ZNF654: variants seen among roughly 807,000 people sequenced by gnomAD.
ZNF654 encodes the protein zinc finger protein 654, also known as melanoma-associated antigen.
ZNF654 carries 19 observed loss-of-function variants against 95.3 expected under a neutral mutation model. The observed-to-expected ratio is 0.20, with a 90% CI of 0.14 to 0.29. The LOEUF is 0.29. Ranked by LOEUF, ZNF654 falls within the 10% of genes least tolerant of loss-of-function variation. The probability of loss-of-function intolerance (pLI) is 1.00; values close to 1 mark genes in which losing one functional copy is unlikely to be tolerated. For synonymous variants in ZNF654, 413 were observed against 457.9 expected, an observed-to-expected ratio of 0.90 and a Z score of 1.25; for missense variants, 1,046 against 1,341.0, an observed-to-expected ratio of 0.78 and a Z score of 3.44.
rs1405641585 is a variant in ZNF654 at position 88,140,378 on chromosome 3, T to C, written c.2709T>C (p.Asn903=). ...NPNQEKDSSS[N]EKQTISLPVS... The stretch of plus-strand genomic sequence containing the variant: ...ATCAGGAAAAAGACTCATCTAGTAA[T>C]GAGAAACAAACTATTAGTCTGCCAG... The change falls in exon 8 of 9, where the codon AAT becomes AAC. Residue 903 remains asparagine, a synonymous_variant. Coordinates refer to ENST00000636215, the MANE Select transcript of ZNF654 (RefSeq NM_001350134.2). The C allele has an allele frequency of 1.9e-6, 3 of 1,612,920 alleles. No homozygotes were observed. The highest frequency in any genetic ancestry group is 2.5e-6 in the Non-Finnish European group (3 of 1,179,474).
rs1387531138 is a variant in ZNF654, at chr3:88,142,885, G to T, written c.*1233G>T. On this transcript the variant is annotated 3_prime_UTR_variant, in exon 9 of 9. Coordinates refer to ENST00000636215, the MANE Select transcript of ZNF654 (RefSeq NM_001350134.2). ...CCTAAGAAGATTTTAACTTAATAAA[G>T]TGTTAAAACAATAAATATTTTTAAA... 1 of 152,196 alleles carries T rather than the reference G, an allele frequency of 6.6e-6. No homozygotes were observed. The highest frequency in any genetic ancestry group is 2.4e-5 in the African/African-American group (1 of 41,420). 9.4% of individuals were successfully genotyped at this position (152,196 alleles called of 1,614,324 possible).
At position 88,129,668 on chromosome 3, in the gene ZNF654, T is replaced by C; in HGVS notation, c.754-19T>C. 7.1e-7 allele frequency: 1 copy of C among 1,409,006 alleles called. No individual in the cohort carries two copies. The highest frequency in any genetic ancestry group is 9.3e-7 in the Non-Finnish European group (1 of 1,070,368). The allele number at this position is 1,409,006 out of a possible 1,614,324, so 87.3% of individuals were successfully genotyped here. A position where few individuals can be genotyped will look rare whatever the true frequency, so the allele number is the denominator to read the frequency against. On this transcript the variant is annotated intron_variant, in intron 5 of 8. Transcript: ENST00000636215. Reference sequence around the variant, plus strand: ...GATATTTTTAATTATATGAACTGATTTCTCTTTTCCTCTTACAGCATTTAT... The same window carrying C: ...GATATTTTTAATTATATGAACTGATCTCTCTTTTCCTCTTACAGCATTTAT...
At chr3:88,112,623 A>G (rs1705160343) in intron 2 of ZNF654, among the ~76,000 whole-genome samples, 2 of 152,160 alleles carry the variant, frequency 1.3e-5, no homozygotes, top group Admixed American at 1.3e-4. Flanking sequence ...GGTTGTTAGT[A>G]TATGCTATAA....
intron 3 of ZNF654, among the ~76,000 whole-genome samples, chr3:88,117,822 T>A (rs79839207): frequency 6.6e-6 from 1 of 152,018 alleles, no homozygotes; most frequent in Non-Finnish European, 1.5e-5. Context: ...GTGGTGACAT[T>A]TGTTAAGGGA....
In ZNF654 at chr3:88,113,311, G is replaced by T. The variant is rs1576305035; in HGVS notation, c.414+115G>T. 4 of 575,664 alleles carry T rather than the reference G, an allele frequency of 6.9e-6. No homozygotes were observed. The South Asian group carries it at 8.6e-5, about 12-fold the overall frequency. The allele number at this position is 575,664 out of a possible 1,614,324, so 35.7% of individuals were successfully genotyped here. A position where few individuals can be genotyped will look rare whatever the true frequency, so the allele number is the denominator to read the frequency against. On this transcript the variant is annotated intron_variant, in intron 3 of 8. Coordinates refer to ENST00000636215, the MANE Select transcript of ZNF654 (RefSeq NM_001350134.2). ...TTATAAGTTTTTAATGATTGCTAAG[G>T]TGACAGTGTTTAAGATCCTATTATT...
chr3:88,130,067 A>T (rs1369827746), intron 6 of ZNF654, among the ~76,000 whole-genome samples: 1 of 152,220 alleles, frequency 6.6e-6, no homozygotes, highest in African/African-American at 2.4e-5. Context: ...GTGGTTTGAA[A>T]TTAAATTTTA....
In ZNF654 at chr3:88,139,367, T is replaced by C; in HGVS notation, c.1698T>C (p.His566=). Residue 566 remains histidine (H), a synonymous_variant, in exon 8 of 9, where the codon CAT becomes CAC. Coordinates refer to ENST00000636215, the MANE Select transcript of ZNF654 (RefSeq NM_001350134.2). ...ACATTGTAAGGCATGCCCAGGCTCA[T>C]CAGAAAAAAGGCAGTTTTGCATGTG... The part of the protein sequence containing the change: ...GGHIVRHAQA[H]QKKGSFACVI... The C allele has an allele frequency of 6.2e-7, 1 of 1,613,372 alleles. No homozygotes were observed. The highest frequency in any genetic ancestry group is 1.1e-5 in the South Asian group (1 of 90,954).
chr3:88,078,110 A>G (rs1375921536), intron 1 of ZNF654, among the ~76,000 whole-genome samples: 1 of 152,226 alleles, frequency 6.6e-6, no homozygotes, highest in East Asian at 1.9e-4. Flanking sequence ...TATTGTGAAT[A>G]TCGGACTGAT....
At chr3:88,096,323 C>T (rs1191126553) in intron 2 of ZNF654, among the ~76,000 whole-genome samples, 3 of 151,986 alleles carry the variant, frequency 2.0e-5, no homozygotes, top group Non-Finnish European at 2.9e-5. Flanking sequence ...TACTAGAGCC[C>T]ACAGACAAGA....
intron 2 of ZNF654, among the ~76,000 whole-genome samples, chr3:88,098,251 C>T (rs988856145): frequency 6.6e-6 from 1 of 151,986 alleles, no homozygotes; most frequent in Non-Finnish European, 1.5e-5. Flanking sequence ...TAAATTCCTG[C>T]ACACATACAC....
Position 88,079,962 on chromosome 3 carries a change from A to T in ZNF654, c.187-6295A>T, listed in dbSNP as rs572081862. ...CTAAACCATTTTGGTGTTTTTTTTT[A>T]AAACATGACTTTTAGATTTCCATTA... On this transcript the variant is annotated intron_variant, in intron 1 of 8. Transcript: ENST00000636215. Among the ~76,000 whole-genome samples, 432 of 152,038 alleles carry T rather than the reference A, an allele frequency of 2.8e-3. 2 individuals carry two copies. The highest frequency in any genetic ancestry group is 8.6e-3 in the African/African-American group (359 of 41,526).
At chr3:88,077,023 G>T (rs577005551) in intron 1 of ZNF654, among the ~76,000 whole-genome samples, 6 of 152,138 alleles carry the variant, frequency 3.9e-5, no homozygotes, top group South Asian at 2.1e-4. Flanking sequence ...TGGAGTAAAA[G>T]AATTTTAGGG....
In ZNF654 at chr3:88,113,204, A is replaced by G; in HGVS notation, c.414+8A>G. 3 of 1,501,924 alleles carry G rather than the reference A, an allele frequency of 2.0e-6. No homozygotes were observed. Among genetic ancestry groups the G allele is most frequent in the South Asian group, 1.2e-5 (1 of 82,668 alleles). 93.0% of individuals were successfully genotyped at this position (1,501,924 alleles called of 1,614,324 possible). On this transcript the variant is annotated splice_region_variant and intron_variant, in intron 3 of 8. Transcript: ENST00000636215. The stretch of plus-strand genomic sequence containing the variant: ...ATTCTTGGATCATTCCAGGTAAAAA[A>G]CAGTTTACTACTTCACACTTTGTCT...
At chr3:88,083,761 T>C (rs1419160293) in intron 1 of ZNF654, among the ~76,000 whole-genome samples, 1 of 152,122 alleles carries the variant, frequency 6.6e-6, no homozygotes, top group Non-Finnish European at 1.5e-5. Context: ...TTCAGCGTTA[T>C]CCTGGCCACC....
At chr3:88,117,025 T>C (rs993373213) in intron 3 of ZNF654, among the ~76,000 whole-genome samples, 3 of 152,164 alleles carry the variant, frequency 2.0e-5, no homozygotes, top group Non-Finnish European at 4.4e-5. Flanking sequence ...ACGTTTTTGC[T>C]GAGGTTGAGT....
chr3:88,099,590 G>A (rs1559709592), intron 2 of ZNF654, among the ~76,000 whole-genome samples: 2 of 152,158 alleles, frequency 1.3e-5, no homozygotes, highest in Admixed American at 6.5e-5. Context: ...CAAGGCTACA[G>A]TAACCAAAAC....
intron 2 of ZNF654, among the ~76,000 whole-genome samples, chr3:88,104,379 C>T (rs538281653): frequency 5.2e-4 from 79 of 152,300 alleles, no homozygotes; most frequent in African/African-American, 1.8e-3. Flanking sequence ...ACCGTAGTGT[C>T]TCTGTAACTA....
In ZNF654 at chr3:88,141,746, C is replaced by T; in HGVS notation, c.*94C>T. The stretch of plus-strand genomic sequence containing the variant: ...ATCAGTTTGCTATTTCCCTGATGGC[C>T]TTAATTTTAGAGTGGTCTTGGATTA... On this transcript the variant is annotated 3_prime_UTR_variant, in exon 9 of 9. Coordinates refer to ENST00000636215, the MANE Select transcript of ZNF654 (RefSeq NM_001350134.2). The T allele has an allele frequency of 9.9e-7, 1 of 1,009,436 alleles. No individual in the cohort carries two copies. The highest frequency in any genetic ancestry group is 2.3e-5 in the South Asian group (1 of 43,744). The allele number at this position is 1,009,436 out of a possible 1,614,324, so 62.5% of individuals were successfully genotyped here.
Position 88,139,433 on chromosome 3 carries a change from G to C in ZNF654, c.1764G>C (p.Gln588His), listed in dbSNP as rs1204769898. Residue 588 changes from glutamine (Q) to histidine (H), a missense_variant, in exon 8 of 9, where the codon CAG (glutamine) becomes CAC (histidine). By Grantham distance (24) the Gln-to-His change is conservative. Transcript: ENST00000636215. ...AATTTAGAAACAGAGGACTTATGCA[G>C]AAGCATTTGAAGAATCATGTTAAGA... The part of the protein sequence containing the change: ...GRKFRNRGLM[Q>H]KHLKNHVKKI... 6.2e-7 allele frequency: 1 copy of C among 1,613,726 alleles called. No homozygotes were observed. The highest frequency in any genetic ancestry group is 8.5e-7 in the Non-Finnish European group (1 of 1,179,818).
Sources: gnomAD v4.1 joint callset for allele counts (sites outside exome capture counted in the v4.1 genomes callset) on GRCh38, gnomAD v4.1.1 for gene constraint, MANE v1.5 for transcripts, NCBI Gene and HGNC (gene_info 2026-07-23, HGNC 2026-07-21) for gene names.